CTXND2: variants seen among roughly 807,000 people sequenced by gnomAD.
CTXND2 encodes cortexin domain containing 2.
intron 1 of CTXND2, among the ~76,000 whole-genome samples, chr1:150,896,874 T>C (rs986824099): frequency 6.6e-6 from 1 of 152,048 alleles, no homozygotes; most frequent in Admixed American, 6.5e-5. Flanking sequence ...TAAAGTAATA[T>C]AATAAATTAT....
At chr1:150,890,191 C>A (rs1668829173) in intron 1 of CTXND2, among the ~76,000 whole-genome samples, 1 of 152,018 alleles carries the variant, frequency 6.6e-6, no homozygotes, top group African/African-American at 2.4e-5. Context: ...GAGTGGTAGA[C>A]CACATCCTCT....
chr1:150,911,055 C>T (rs969887196), intron 1 of CTXND2, among the ~76,000 whole-genome samples: 21 of 152,192 alleles, frequency 1.4e-4, no homozygotes, highest in East Asian at 1.4e-3. Context: ...CCGCCTGCCT[C>T]GGCCTCCCAA....
intron 1 of CTXND2, among the ~76,000 whole-genome samples, chr1:150,900,226 C>T (rs914796519): frequency 6.6e-6 from 1 of 151,992 alleles, no homozygotes; most frequent in Non-Finnish European, 1.5e-5. Context: ...TAGCTTCACT[C>T]CTGAAGTCAG....
rs192351643 is a variant in CTXND2 at position 150,890,299 on chromosome 1, A to C, written c.-74+2986A>C. Among the ~76,000 whole-genome samples, 13 of 152,296 alleles carry C rather than the reference A, an allele frequency of 8.5e-5. No individual in the cohort carries two copies. In the East Asian group the frequency reaches 2.3e-3, roughly 27 times the overall value. On this transcript the variant is annotated intron_variant, in intron 1 of 1. Coordinates refer to ENST00000636087, the Ensembl canonical transcript of CTXND2. Reference sequence around the variant, plus strand: ...TTGCCTTAAACAGTCCTAAGTAAAAAGTGAAGCTGTACTAAGAAGACAGAT... The same window carrying C: ...TTGCCTTAAACAGTCCTAAGTAAAACGTGAAGCTGTACTAAGAAGACAGAT...
At chr1:150,908,185 T>G (rs1429616263) in intron 1 of CTXND2, among the ~76,000 whole-genome samples, 2 of 151,800 alleles carry the variant, frequency 1.3e-5, no homozygotes, top group Non-Finnish European at 2.9e-5. Context: ...GTATTTTCTG[T>G]AGAGAGGAAG....
chr1:150,899,919 C>T (rs776766221), intron 1 of CTXND2, among the ~76,000 whole-genome samples: 13 of 152,160 alleles, frequency 8.5e-5, no homozygotes, highest in Non-Finnish European at 1.6e-4. Context: ...AATCAGCGCT[C>T]TCTGTCTAGC....
intron 1 of CTXND2, among the ~76,000 whole-genome samples, chr1:150,896,193 G>A (rs1326335177): frequency 2.0e-5 from 3 of 152,152 alleles, no homozygotes; most frequent in Admixed American, 6.6e-5. Context: ...TCTTGATACC[G>A]TAAGGGAAGC....
At chr1:150,911,614 G>A (rs1396750727) in intron 1 of CTXND2, among the ~76,000 whole-genome samples, 1 of 151,874 alleles carries the variant, frequency 6.6e-6, no homozygotes, top group Non-Finnish European at 1.5e-5. Context: ...TGTATTTTTA[G>A]TAGAGACGGG....
intron 1 of CTXND2, among the ~76,000 whole-genome samples, chr1:150,911,596 CT>C: frequency 6.6e-6 from 1 of 151,758 alleles, no homozygotes; most frequent in Admixed American, 6.6e-5. Context: ...TCACACCTGG[CT>C]AATTTTTGTA....
At chr1:150,900,155 G>A (rs1416484603) in intron 1 of CTXND2, among the ~76,000 whole-genome samples, 1 of 152,056 alleles carries the variant, frequency 6.6e-6, no homozygotes, top group Non-Finnish European at 1.5e-5. Flanking sequence ...AAATCTTCCT[G>A]CTGCTCAGTC....
rs139980603 is a variant in CTXND2, at chr1:150,909,674, C to A, written c.-73-2568C>A. Among the ~76,000 whole-genome samples the A allele has an allele frequency of 1.8e-4, 28 of 152,230 alleles. 1 individual carries two copies. The highest frequency in any genetic ancestry group is 5.2e-4 in the Admixed American group (8 of 15,272). ...GGTCTTTGATCCATTTTAAGTTTAT[C>A]TTTGTATGTGGTGTGAAATTGTTAC... is the stretch of plus-strand genomic sequence containing the variant. On this transcript the variant is annotated intron_variant, in intron 1 of 1. Coordinates refer to ENST00000636087, the Ensembl canonical transcript of CTXND2.
At chr1:150,910,630 A>G (rs948699249) in intron 1 of CTXND2, among the ~76,000 whole-genome samples, 2 of 129,890 alleles carry the variant, frequency 1.5e-5, no homozygotes, top group African/African-American at 5.9e-5. Flanking sequence ...TGGACTCTCA[A>G]TTTTTTTTTT....
At chr1:150,913,000 C>G (rs1029413151) in exon 2 of CTXND2, 2 of 152,166 alleles carry the variant, frequency 1.3e-5, no homozygotes, top group Admixed American at 1.3e-4. Context: ...TCCTTAATCT[C>G]TCTCATCCCA....
At chr1:150,894,010 G>A (rs375489687) in intron 1 of CTXND2, among the ~76,000 whole-genome samples, 154 of 151,750 alleles carry the variant, frequency 1.0e-3, no homozygotes, top group African/African-American at 3.5e-3. Flanking sequence ...AGATGGGGGC[G>A]TCTCACTATG....
chr1:150,893,657 C>T (rs1668879576), intron 1 of CTXND2, among the ~76,000 whole-genome samples: 1 of 152,158 alleles, frequency 6.6e-6, no homozygotes, highest in South Asian at 2.1e-4. Context: ...ACGGGTCTCA[C>T]TATGTTGCCC....
intron 1 of CTXND2, among the ~76,000 whole-genome samples, chr1:150,892,097 A>C (rs1379946701): frequency 6.6e-6 from 1 of 152,218 alleles, no homozygotes; most frequent in Non-Finnish European, 1.5e-5. Context: ...AAAATTAATA[A>C]AATATTCAGG....
chr1:150,906,817 A>G (rs1313012306), intron 1 of CTXND2, among the ~76,000 whole-genome samples: 2 of 152,216 alleles, frequency 1.3e-5, no homozygotes, highest in Non-Finnish European at 2.9e-5. Context: ...AGACCACTGT[A>G]CCAAGCCATG....
intron 1 of CTXND2, among the ~76,000 whole-genome samples, chr1:150,889,939 T>C (rs1364891695): frequency 6.6e-6 from 1 of 152,104 alleles, no homozygotes; most frequent in African/African-American, 2.4e-5. Flanking sequence ...CAGTAAGATA[T>C]GGCCCCTGCT....
intron 1 of CTXND2, among the ~76,000 whole-genome samples, chr1:150,901,375 T>C (rs1324709247): frequency 6.6e-6 from 1 of 152,214 alleles, no homozygotes; most frequent in Admixed American, 6.5e-5. Flanking sequence ...CCATCTGATT[T>C]GTTTATAAAA....
Sources: gnomAD v4.1 joint callset for allele counts (sites outside exome capture counted in the v4.1 genomes callset) on GRCh38, gnomAD v4.1.1 for gene constraint, MANE v1.5 for transcripts, NCBI Gene and HGNC (gene_info 2026-07-23, HGNC 2026-07-21) for gene names.